Variants in SLC12A8 observed in about 807,000 individuals in gnomAD.
SLC12A8 encodes cation-chloride cotransporter 9.
A neutral mutation model predicts 75.6 loss-of-function variants in SLC12A8; 69 were observed. The observed-to-expected ratio is 0.91, with a 90% CI of 0.75 to 1.11. The LOEUF is 1.11. Among genes scored for constraint, SLC12A8 ranks in the 50% most tolerant of loss-of-function variants. The pLI, the probability that SLC12A8 is intolerant of heterozygous loss-of-function variation, is 0.00. For missense variants in SLC12A8, 877 were observed against 896.7 expected, an observed-to-expected ratio of 0.98 and a Z score of 0.28; for synonymous variants, 365 against 372.8, an observed-to-expected ratio of 0.98 and a Z score of 0.24.
chr3:125,149,961 AAAAGT>A (rs1933878102), intron 5 of SLC12A8, among the ~76,000 whole-genome samples: 1 of 152,204 alleles, frequency 6.6e-6, no homozygotes, highest in South Asian at 2.1e-4. Flanking sequence ...TCTAACCCTG[AAAAGT>A]ACCTCTGTTC....
chr3:125,195,548 T>C (rs774101411), intron 2 of SLC12A8, among the ~76,000 whole-genome samples: 1 of 152,076 alleles, frequency 6.6e-6, no homozygotes, highest in Non-Finnish European at 1.5e-5. Context: ...AGAGCTGGTA[T>C]GAAAGCTGGG....
intron 4 of SLC12A8, among the ~76,000 whole-genome samples, chr3:125,181,634 T>G (rs370839414): frequency 2.5e-4 from 30 of 119,018 alleles, no homozygotes; most frequent in South Asian, 5.4e-4. Context: ...AAAAGAAAAA[T>G]AAAGGAACGA....
intron 8 of SLC12A8, among the ~76,000 whole-genome samples, chr3:125,116,616 T>G (rs925271494): frequency 6.6e-6 from 1 of 152,198 alleles, no homozygotes; most frequent in Non-Finnish European, 1.5e-5. Flanking sequence ...CAAAGCTGCC[T>G]GCCCTCCCAT....
chr3:125,135,611 T>A, intron 6 of SLC12A8, 58 bp downstream of exon 6: 1 of 1,146,760 alleles, frequency 8.7e-7, no homozygotes, highest in African/African-American at 1.5e-5. Context: ...TGCTGAATTT[T>A]GGAACCAAGA....
At chr3:125,123,323 G>A (rs569737405) in intron 6 of SLC12A8, among the ~76,000 whole-genome samples, 5 of 148,832 alleles carry the variant, frequency 3.4e-5, no homozygotes, top group South Asian at 2.2e-4. Context: ...TGCAGTGAGC[G>A]GATATCATGC....
intron 10 of SLC12A8, among the ~76,000 whole-genome samples, chr3:125,106,739 T>A (rs959555205): frequency 6.6e-6 from 1 of 152,130 alleles, no homozygotes; most frequent in Non-Finnish European, 1.5e-5. Context: ...AGGGAGAGCA[T>A]AATGTAGAGG....
At chr3:125,091,109 C>G (rs1938568457) in intron 12 of SLC12A8, among the ~76,000 whole-genome samples, 1 of 152,172 alleles carries the variant, frequency 6.6e-6, no homozygotes, top group Non-Finnish European at 1.5e-5. Flanking sequence ...ACATTTTAAA[C>G]TTACCACAAT....
intron 7 of SLC12A8, chr3:125,119,962 G>T (rs1191791578): frequency 1.1e-5 from 5 of 455,116 alleles, no homozygotes; most frequent in African/African-American, 4.0e-5. Context: ...CTGCTTGTGT[G>T]GGTGGCACAG....
At chr3:125,119,046 C>T in intron 7 of SLC12A8, 190 bp from the exon 8 acceptor site, 2 of 488,254 alleles carry the variant, frequency 4.1e-6, no homozygotes, top group South Asian at 6.5e-5. Flanking sequence ...TATTTCTTAC[C>T]AAAAAAGGGG....
chr3:125,190,756 G>A (rs1389937049), intron 2 of SLC12A8, among the ~76,000 whole-genome samples: 4 of 152,228 alleles, frequency 2.6e-5, no homozygotes, highest in Non-Finnish European at 4.4e-5. Context: ...TAACAACAGT[G>A]ATTCCGTATC....
Position 125,107,808 on chromosome 3 carries a change from T to C in SLC12A8, c.1378A>G (p.Lys460Glu). ...VLEGTLLEFT[K>E]DMDQLLQLTR... is the part of the protein sequence containing the mutation. ...AGCTGGAGGAGCTGATCCATGTCCT[T>C]GGTGAATTCCAGTAGCGTGCCCTCC... The change falls in exon 10 of 14, where the codon AAG (lysine) becomes GAG (glutamate). Residue 460 changes from lysine to glutamate, a missense_variant. By Grantham distance (56) the Lys-to-Glu change is moderately conservative. Transcript: ENST00000469902. The C allele has an allele frequency of 6.2e-7, 1 of 1,614,152 alleles. No individual in the cohort carries two copies. The highest frequency in any genetic ancestry group is 8.5e-7 in the Non-Finnish European group (1 of 1,180,030).
intron 8 of SLC12A8, among the ~76,000 whole-genome samples, chr3:125,111,259 C>T (rs897149583): frequency 6.6e-6 from 1 of 152,156 alleles, no homozygotes. Context: ...ATCCATGACC[C>T]ACAAGGCACC....
Position 125,107,596 on chromosome 3 carries a change from C to A in SLC12A8, c.1590G>T (p.Gly530=), listed in dbSNP as rs370564669. 107 of 1,614,174 alleles carry A rather than the reference C, an allele frequency of 6.6e-5. 2 individuals carry two copies. The Admixed American group carries it at 7.8e-4, about 12-fold the overall frequency. Residue 530 remains glycine, a synonymous_variant, in exon 10 of 14, where the codon GGG becomes GGT. Coordinates refer to ENST00000469902, the MANE Select transcript of SLC12A8 (RefSeq NM_024628.6). ...SDRLPAASWE[G]QESCWNKQTS... is the part of the protein sequence containing the mutation. ...TCTGCTTGTTCCAGCAGGACTCCTGCCCCTCCCAGGAGGCAGCGGGCAACC... is the reference window on the plus strand; with the variant it reads ...TCTGCTTGTTCCAGCAGGACTCCTGACCCTCCCAGGAGGCAGCGGGCAACC...
chr3:125,085,998 G>A (rs1024521425), intron 13 of SLC12A8, among the ~76,000 whole-genome samples: 3 of 151,022 alleles, frequency 2.0e-5, no homozygotes, highest in South Asian at 2.1e-4. Flanking sequence ...TCCGCCTCCC[G>A]GGTTCAAGTG....
chr3:125,095,029 T>C (rs1259047187), intron 10 of SLC12A8, among the ~76,000 whole-genome samples: 1 of 152,244 alleles, frequency 6.6e-6, no homozygotes, highest in Non-Finnish European at 1.5e-5. Flanking sequence ...CCTTCCAACC[T>C]GAAAATATTG....
chr3:125,125,789 G>C (rs1395871661), intron 6 of SLC12A8: 1 of 259,726 alleles, frequency 3.9e-6, no homozygotes, highest in South Asian at 1.4e-4. Flanking sequence ...ACATCACATA[G>C]CCTCTCCATT....
intron 6 of SLC12A8, chr3:125,125,949 G>A: frequency 1.0e-6 from 1 of 984,408 alleles, no homozygotes; most frequent in African/African-American, 1.7e-5. Context: ...TGCATCACCA[G>A]CTCCTAATCT....
intron 5 of SLC12A8, among the ~76,000 whole-genome samples, chr3:125,172,856 T>C (rs975792070): frequency 6.6e-6 from 1 of 152,206 alleles, no homozygotes; most frequent in African/African-American, 2.4e-5. Flanking sequence ...GGCTTAAGTG[T>C]ACTTTAAAAA....
chr3:125,157,350 A>G (rs1036917802), intron 5 of SLC12A8, among the ~76,000 whole-genome samples: 3 of 152,304 alleles, frequency 2.0e-5, no homozygotes, highest in African/African-American at 7.2e-5. Context: ...GTTCCGATAA[A>G]CCTGTCATAA....
Sources: gnomAD v4.1 joint callset for allele counts (sites outside exome capture counted in the v4.1 genomes callset) on GRCh38, gnomAD v4.1.1 for gene constraint, MANE v1.5 for transcripts, NCBI Gene and HGNC (gene_info 2026-07-23, HGNC 2026-07-21) for gene names.